GREM1: variants seen among roughly 807,000 people sequenced by gnomAD.
The protein encoded by GREM1 is gremlin-1.
A neutral mutation model predicts 13.1 loss-of-function variants in GREM1; 6 were observed. The observed-to-expected ratio is 0.46, with a 90% CI of 0.25 to 0.91. The LOEUF (loss-of-function observed/expected upper bound fraction) is 0.91, where lower values mean the gene tolerates loss of function less well. Among genes scored for constraint, GREM1 ranks in the 40% least tolerant of loss-of-function variants. GREM1 has a pLI of 0.18. For missense variants in GREM1, 185 were observed against 233.9 expected (o/e 0.79, Z 1.36); for synonymous variants, 98 against 93.7 (o/e 1.05, Z -0.27).
In GREM1 at chr15:32,735,351, A is replaced by G. The variant is rs1017915813; in HGVS notation, c.*4106A>G. On this transcript the variant is annotated 3_prime_UTR_variant, in exon 2 of 2. Transcript: ENST00000651154. ...TTTTCTTTGAATTGTTTCTCACTCA[A>G]TCTTCACGGTAGCTCAGTGAGGTAG... is the stretch of plus-strand genomic sequence containing the variant. 5.9e-5 allele frequency: 9 copies of G among 152,184 alleles called. No individual in the cohort carries two copies. The highest frequency in any genetic ancestry group is 1.4e-4 in the African/African-American group (6 of 41,456). 9.4% of individuals were successfully genotyped at this position (152,184 alleles called of 1,614,324 possible).
chr15:32,718,509 G>A (rs1181990073), intron 1 of GREM1: 4 of 459,472 alleles, frequency 8.7e-6, no homozygotes, highest in African/African-American at 2.0e-5. Context: ...GCGAGGGCGC[G>A]AAGTCCAGGC....
Position 32,743,148 on chromosome 15 carries a change from T to C in GREM1, c.*11903T>C, listed in dbSNP as rs2055776285. On this transcript the variant is annotated 3_prime_UTR_variant, in exon 2 of 2. Coordinates refer to ENST00000651154, the MANE Select transcript of GREM1 (RefSeq NM_013372.7). ...GAATGCTCATTCCATTTGGCCACCA[T>C]GATTGGTTTTAGAAATGGACTTGAA... 1 of 152,186 alleles carries C rather than the reference T, an allele frequency of 6.6e-6. No individual in the cohort carries two copies. The highest frequency in any genetic ancestry group is 1.5e-5 in the Non-Finnish European group (1 of 68,022). 9.4% of individuals were successfully genotyped at this position (152,186 alleles called of 1,614,324 possible).
rs754977619 is a variant in GREM1, at chr15:32,732,535, G to A, written c.*1290G>A. 4.1e-6 allele frequency: 1 copy of A among 245,992 alleles called. No homozygotes were observed. The highest frequency in any genetic ancestry group is 2.2e-5 in the African/African-American group (1 of 45,250). The allele number at this position is 245,992 out of a possible 1,614,324, so 15.2% of individuals were successfully genotyped here. Reference sequence around the variant, plus strand: ...AAATAAAGGGAATTGCCTCTGGCTAGAGAGTAGTTAGGTGTTAATACCTGG... The same window carrying A: ...AAATAAAGGGAATTGCCTCTGGCTAAAGAGTAGTTAGGTGTTAATACCTGG... On this transcript the variant is annotated 3_prime_UTR_variant, in exon 2 of 2. Coordinates refer to ENST00000651154, the MANE Select transcript of GREM1 (RefSeq NM_013372.7).
rs1273431953 is a variant in GREM1, at chr15:32,732,957, G to T, written c.*1712G>T. Reference sequence around the variant, plus strand: ...ACTGCAGACTTGAGATTCAGTTGCCGATCAAGGCTCTGGCATTCAGAGAAC... The same window carrying T: ...ACTGCAGACTTGAGATTCAGTTGCCTATCAAGGCTCTGGCATTCAGAGAAC... On this transcript the variant is annotated 3_prime_UTR_variant, in exon 2 of 2. Transcript: ENST00000651154. 4.5e-6 allele frequency: 1 copy of T among 222,730 alleles called. No individual in the cohort carries two copies. Among genetic ancestry groups the T allele is most frequent in the African/African-American group, 2.3e-5 (1 of 43,978 alleles). The allele number at this position is 222,730 out of a possible 1,614,324, so 13.8% of individuals were successfully genotyped here.
At position 32,723,161 on chromosome 15, in the gene GREM1, G is replaced by T. The variant is rs1192015888; in HGVS notation, c.-2+5000G>T. Among the ~76,000 whole-genome samples the T allele has an allele frequency of 2.6e-5, 4 of 152,192 alleles. 1 individual carries two copies. In the South Asian group the frequency reaches 6.2e-4, roughly 24 times the overall value. On this transcript the variant is annotated intron_variant, in intron 1 of 1. Transcript: ENST00000651154. ...CCCTTCTACATGTTGCTGTGGAAAA[G>T]AATTGTCCTCAAGAAATGTACATCT...
chr15:32,725,897 C>G (rs530470658), intron 1 of GREM1, among the ~76,000 whole-genome samples: 103 of 152,228 alleles, frequency 6.8e-4, no homozygotes, highest in Admixed American at 1.8e-3. Flanking sequence ...ATAGGGAATC[C>G]TTTCCCCATT....
rs981882363 is a variant in GREM1 at position 32,743,804 on chromosome 15, C to T, written c.*12559C>T. ...AGTTGTTCTTCAAAATGAAGTTTCCCGCTCCAAGTCCCAGCCAGATATGTG... is the reference window on the plus strand; with the variant it reads ...AGTTGTTCTTCAAAATGAAGTTTCCTGCTCCAAGTCCCAGCCAGATATGTG... On this transcript the variant is annotated 3_prime_UTR_variant, in exon 2 of 2. Transcript: ENST00000651154. The T allele has an allele frequency of 5.9e-5, 9 of 151,990 alleles. No homozygotes were observed. The highest frequency in any genetic ancestry group is 2.0e-4 in the Admixed American group (3 of 15,258). The allele number at this position is 151,990 out of a possible 1,614,324, so 9.4% of individuals were successfully genotyped here. A position where few individuals can be genotyped will look rare whatever the true frequency, so the allele number is the denominator to read the frequency against.
Position 32,733,996 on chromosome 15 carries a change from A to G in GREM1, c.*2751A>G, listed in dbSNP as rs2055664449. On this transcript the variant is annotated 3_prime_UTR_variant, in exon 2 of 2. Coordinates refer to ENST00000651154, the MANE Select transcript of GREM1 (RefSeq NM_013372.7). ...TGAAAAGTTATGGTTATTTAATGTA[A>G]TTATTACTTCAAATCCTTTGGTCAC... 4.1e-6 allele frequency: 1 copy of G among 241,606 alleles called. No individual in the cohort carries two copies. The highest frequency in any genetic ancestry group is 8.8e-6 in the Non-Finnish European group (1 of 114,188). 15.0% of individuals were successfully genotyped at this position (241,606 alleles called of 1,614,324 possible).
chr15:32,718,652 G>T, intron 1 of GREM1: 1 of 362,296 alleles, frequency 2.8e-6, no homozygotes, highest in South Asian at 2.1e-5. Flanking sequence ...TGGAGTCCGC[G>T]GGTTGGAGCA....
intron 1 of GREM1, among the ~76,000 whole-genome samples, chr15:32,720,396 A>G (rs1247687374): frequency 6.6e-6 from 1 of 152,222 alleles, no homozygotes; most frequent in Non-Finnish European, 1.5e-5. Context: ...AAATGCAAAG[A>G]AATTTCATGC....
intron 1 of GREM1, among the ~76,000 whole-genome samples, chr15:32,719,693 T>A (rs1020673135): frequency 2.0e-5 from 3 of 152,286 alleles, no homozygotes; most frequent in South Asian, 2.1e-4. Flanking sequence ...ATCTATTGTG[T>A]TAAGTGGGTC....
intron 1 of GREM1, among the ~76,000 whole-genome samples, chr15:32,727,396 C>T (rs1272193331): frequency 6.6e-6 from 1 of 152,208 alleles, no homozygotes; most frequent in Non-Finnish European, 1.5e-5. Context: ...ACAAAAACCA[C>T]ATGATTATCT....
chr15:32,738,059 G>A lies in GREM1; in HGVS notation c.*6814G>A, dbSNP rs571190930. The A allele has an allele frequency of 6.0e-4, 58 of 97,342 alleles. No individual in the cohort carries two copies. The highest frequency in any genetic ancestry group is 1.0e-3 in the Non-Finnish European group (54 of 53,550). 6.0% of individuals were successfully genotyped at this position (97,342 alleles called of 1,614,324 possible). On this transcript the variant is annotated 3_prime_UTR_variant, in exon 2 of 2. Transcript: ENST00000651154. ...ACTATTTTTATTCAATATTATACTG[G>A]AGGTTCTACCTAGGGTAATTAGGCA... is the stretch of plus-strand genomic sequence containing the variant.
At chr15:32,719,282 C>G (rs551284051) in intron 1 of GREM1, among the ~76,000 whole-genome samples, 2 of 152,374 alleles carry the variant, frequency 1.3e-5, no homozygotes, top group African/African-American at 4.8e-5. Flanking sequence ...GCATTGCCTT[C>G]GGATCGCAGC....
rs1053428732 is a variant in GREM1 at position 32,733,091 on chromosome 15, CAAA to C, written c.*1848_*1850del. The stretch of plus-strand genomic sequence containing the variant: ...CAAGGCGGGAGATATTTTAAACACC[CAAA>C]ATGTTGGGTCTGATTTTCAAACTTT... On this transcript the variant is annotated 3_prime_UTR_variant, in exon 2 of 2. Transcript: ENST00000651154. 6 of 231,820 alleles carry C rather than the reference CAAA, an allele frequency of 2.6e-5. No homozygotes were observed. The highest frequency in any genetic ancestry group is 1.3e-4 in the African/African-American group (6 of 44,506). The allele number at this position is 231,820 out of a possible 1,614,324, so 14.4% of individuals were successfully genotyped here.
rs2055719966 is a variant in GREM1 at position 32,738,082 on chromosome 15, GCAAAAAAAAAAAAAAAAAAAA to G, written c.*6838_*6858del. The G allele has an allele frequency of 6.3e-5, 1 of 15,778 alleles. No homozygotes were observed. Among genetic ancestry groups the G allele is most frequent in the Non-Finnish European group, 1.2e-4 (1 of 8,530 alleles). The allele number at this position is 15,778 out of a possible 1,614,324, so 1.0% of individuals were successfully genotyped here. Reference sequence around the variant, plus strand: ...TGGAGGTTCTACCTAGGGTAATTAGGCAAAAAAAAAAAAAAAAAAAAAAAAAAAAAAAAAAAAAAAAAAAAA... The same window carrying G: ...TGGAGGTTCTACCTAGGGTAATTAGGAAAAAAAAAAAAAAAAAAAAAAAAA... On this transcript the variant is annotated 3_prime_UTR_variant, in exon 2 of 2. Coordinates refer to ENST00000651154, the MANE Select transcript of GREM1 (RefSeq NM_013372.7).
chr15:32,728,535 C>T lies in GREM1; in HGVS notation c.-1-2155C>T, dbSNP rs149813118. ...TTAATTATTTTAATTTGACATTATC[C>T]TAGAGTTGAATGGTGTTTACTTACC... On this transcript the variant is annotated intron_variant, in intron 1 of 1. Transcript: ENST00000651154. Among the ~76,000 whole-genome samples the T allele has an allele frequency of 6.9e-3, 1,053 of 152,194 alleles. 12 individuals carry two copies. The highest frequency in any genetic ancestry group is 0.024 in the African/African-American group (995 of 41,512).
At chr15:32,724,628 CTT>C (rs11285245) in intron 1 of GREM1, among the ~76,000 whole-genome samples, 11 of 147,254 alleles carry the variant, frequency 7.5e-5, no homozygotes, top group Non-Finnish European at 1.2e-4. Context: ...CTCATAAGTG[CTT>C]TTTTTTTTTC....
Position 32,739,969 on chromosome 15 carries a change from C to CA in GREM1, c.*8725dup, listed in dbSNP as rs2055747155. 6.6e-6 allele frequency: 1 copy of CA among 152,262 alleles called. No individual in the cohort carries two copies. Among genetic ancestry groups the CA allele is most frequent in the Non-Finnish European group, 1.5e-5 (1 of 68,094 alleles). 9.4% of individuals were successfully genotyped at this position (152,262 alleles called of 1,614,324 possible). A position where few individuals can be genotyped will look rare whatever the true frequency, so the allele number is the denominator to read the frequency against. ...CTAGCTACCTGGGGAAGGACAGAGA[C>CA]AGAGGTTTAGACCAGTAGATGACAT... On this transcript the variant is annotated 3_prime_UTR_variant, in exon 2 of 2. Coordinates refer to ENST00000651154, the MANE Select transcript of GREM1 (RefSeq NM_013372.7).
Sources: gnomAD v4.1 joint callset for allele counts (sites outside exome capture counted in the v4.1 genomes callset) on GRCh38, gnomAD v4.1.1 for gene constraint, MANE v1.5 for transcripts, NCBI Gene and HGNC (gene_info 2026-07-23, HGNC 2026-07-21) for gene names.